SLA: variants seen among roughly 807,000 people sequenced by gnomAD.
SLA encodes the protein src-like-adapter.
In SLA, 16 loss-of-function variants were observed where a neutral mutation model predicts 30.3. The observed-to-expected ratio is 0.53, with a 90% confidence interval of 0.36 to 0.80. The LOEUF (loss-of-function observed/expected upper bound fraction) is 0.80, where lower values mean the gene tolerates loss of function less well. Among genes scored for constraint, SLA ranks in the 30% least tolerant of loss-of-function variants. SLA has a pLI of 0.01. For synonymous variants in SLA, 143 were observed against 137.8 expected, an observed-to-expected ratio of 1.04 and a Z score of -0.26; for missense variants, 310 against 345.2, an observed-to-expected ratio of 0.90 and a Z score of 0.81.
In SLA at chr8:133,039,953, G is replaced by GCACGCACACACA. The variant is rs1554706051; in HGVS notation, c.617+44_617+45insTGTGTGTGCGTG. On this transcript the variant is annotated intron_variant, in intron 8 of 8. Transcript: ENST00000338087. ...TCACATGTTCACAGAGCACTTGCAT[G>GCACGCACACACA]CACACACACACACACACACACACAC... The GCACGCACACACA allele has an allele frequency of 8.4e-6, 12 of 1,434,334 alleles. No individual in the cohort carries two copies. The African/African-American group carries it at 1.5e-4, about 18-fold the overall frequency. 88.9% of individuals were successfully genotyped at this position (1,434,334 alleles called of 1,614,324 possible).
At chr8:133,049,400 T>C (rs2131205660) in intron 5 of SLA, 2 of 298,328 alleles carry the variant, frequency 6.7e-6, no homozygotes, top group Admixed American at 8.5e-5. Context: ...TACACATGTA[T>C]CATTACATCT....
In SLA at chr8:133,062,606, T is replaced by G. The variant is rs3758109; in HGVS notation, c.-40-2406A>C. ...CAGGCCTCCCTGGCCCTGAGGGGAT[T>G]GTAGCCACAGGCGCTGTCCTGCACA... On this transcript the variant is annotated intron_variant, in intron 2 of 8. Transcript: ENST00000338087. Among the ~76,000 whole-genome samples the G allele has an allele frequency of 3.9e-5, 6 of 152,338 alleles. No individual in the cohort carries two copies. In the East Asian group the frequency reaches 1.2e-3, roughly 29 times the overall value.
In SLA at chr8:133,054,007, T is replaced by C. The variant is rs148526578; in HGVS notation, c.62-3092A>G. On this transcript the variant is annotated intron_variant, in intron 3 of 8. Coordinates refer to ENST00000338087, the MANE Select transcript of SLA (RefSeq NM_001045556.3). ...AAAGTCACTGGGAAGGTATTACAGT[T>C]TGGCTTGTACTTCTGTGGGGCAGGG... is the stretch of plus-strand genomic sequence containing the variant. Among the ~76,000 whole-genome samples the C allele has an allele frequency of 2.4e-3, 369 of 152,322 alleles. 2 individuals carry two copies. Among genetic ancestry groups the C allele is most frequent in the Middle Eastern group, 6.8e-3 (2 of 294 alleles).
Position 133,096,070 on chromosome 8 carries a change from T to G in SLA, c.-319+6483A>C, listed in dbSNP as rs182347945. 5.2e-4 allele frequency: 554 copies of G among 1,055,484 alleles called. 4 individuals are homozygous for G. The highest frequency in any genetic ancestry group is 1.2e-3 in the South Asian group (92 of 75,520). The allele number at this position is 1,055,484 out of a possible 1,614,324, so 65.4% of individuals were successfully genotyped here. On this transcript the variant is annotated intron_variant, in intron 1 of 8. Coordinates refer to ENST00000338087, the MANE Select transcript of SLA (RefSeq NM_001045556.3). ...TGTCACATGGTGTCCTGCCTGCCAGTTGTCCTGGTCACTTTTTCTCAGTAG... is the reference window on the plus strand; with the variant it reads ...TGTCACATGGTGTCCTGCCTGCCAGGTGTCCTGGTCACTTTTTCTCAGTAG...
intron 5 of SLA, chr8:133,049,102 G>A (rs1839966637): frequency 2.2e-6 from 1 of 454,468 alleles, no homozygotes; most frequent in Middle Eastern, 3.3e-4. Context: ...CCCTCACATG[G>A]AAGGAAGGAA....
At chr8:133,062,444 C>A (rs908831076) in intron 2 of SLA, among the ~76,000 whole-genome samples, 1 of 152,262 alleles carries the variant, frequency 6.6e-6, no homozygotes, top group Non-Finnish European at 1.5e-5. Flanking sequence ...ACATTCCCCG[C>A]AGTTCAGCAG....
chr8:133,067,656 A>G (rs908276102), intron 2 of SLA, among the ~76,000 whole-genome samples: 13 of 152,022 alleles, frequency 8.6e-5, no homozygotes, highest in African/African-American at 3.1e-4. Flanking sequence ...GCTTCCTGTA[A>G]TCCCAGTTAC....
intron 6 of SLA, chr8:133,047,043 GT>G (rs1839555018): frequency 6.6e-6 from 1 of 152,206 alleles, no homozygotes; most frequent in African/African-American, 2.4e-5. Flanking sequence ...AACCCTAGCT[GT>G]TAAGTATTTG....
chr8:133,058,386 C>T lies in SLA; in HGVS notation c.61+1714G>A, dbSNP rs372714605. On this transcript the variant is annotated intron_variant, in intron 3 of 8. Coordinates refer to ENST00000338087, the MANE Select transcript of SLA (RefSeq NM_001045556.3). The stretch of plus-strand genomic sequence containing the variant: ...TCTATGTCTGTTCTAGAGGTGACCT[C>T]CCACCCACATAATGGAACAAAATCA... 9.2e-5 allele frequency among the ~76,000 whole-genome samples: 14 copies of T among 152,292 alleles called. No individual in the cohort carries two copies. The East Asian group carries it at 2.7e-3, about 29-fold the overall frequency.
At chr8:133,088,424 C>T (rs1846965378) in intron 1 of SLA, among the ~76,000 whole-genome samples, 1 of 152,162 alleles carries the variant, frequency 6.6e-6, no homozygotes, top group African/African-American at 2.4e-5. Flanking sequence ...ACAATGAAAC[C>T]TTTATAATTC....
intron 3 of SLA, among the ~76,000 whole-genome samples, chr8:133,055,359 ACG>A (rs150703045): frequency 0.073 from 6,355 of 86,584 alleles, 190 homozygotes; most frequent in East Asian, 0.15. Flanking sequence ...ACACACACGC[ACG>A]CGCGCACACA....
At chr8:133,087,336 T>C (rs1197021755) in intron 1 of SLA, among the ~76,000 whole-genome samples, 1 of 152,220 alleles carries the variant, frequency 6.6e-6, no homozygotes, top group Admixed American at 6.5e-5. Context: ...GACAGCCTTT[T>C]TCTAGAGTAT....
intron 1 of SLA, among the ~76,000 whole-genome samples, chr8:133,089,054 C>T (rs1847071312): frequency 6.6e-6 from 1 of 152,220 alleles, no homozygotes; most frequent in Non-Finnish European, 1.5e-5. Context: ...TGGCACCTTC[C>T]AGGTGTGGGT....
chr8:133,080,404 C>A (rs1453105541), intron 1 of SLA, among the ~76,000 whole-genome samples: 1 of 152,134 alleles, frequency 6.6e-6, no homozygotes, highest in African/African-American at 2.4e-5. Context: ...ACCACTAGGC[C>A]TAGGCTCATG....
intron 1 of SLA, chr8:133,095,352 T>C: frequency 8.6e-7 from 1 of 1,160,078 alleles, no homozygotes; most frequent in Non-Finnish European, 1.3e-6. Context: ...TCACATTCCC[T>C]AGCCCCTAGA....
chr8:133,071,922 C>T (rs17701982), intron 2 of SLA, among the ~76,000 whole-genome samples: 41,988 of 152,014 alleles, frequency 0.28, 5,866 homozygotes, highest in South Asian at 0.31. Context: ...GTGTCTGGCA[C>T]ATAATGCAAG....
Position 133,037,548 on chromosome 8 carries a change from T to C in SLA, c.*976A>G, listed in dbSNP as rs1669200620. On this transcript the variant is annotated 3_prime_UTR_variant, in exon 9 of 9. Transcript: ENST00000338087. ...CTGTCTCTAATTCCATCCTAAGCCA[T>C]GAGCTGATTTCTCTTTTTACACATT... 1 of 152,198 alleles carries C rather than the reference T, an allele frequency of 6.6e-6. No homozygotes were observed. The highest frequency in any genetic ancestry group is 1.5e-5 in the Non-Finnish European group (1 of 68,050). 9.4% of individuals were successfully genotyped at this position (152,198 alleles called of 1,614,324 possible).
chr8:133,050,096 C>A, intron 4 of SLA, 108 bp from the exon 5 acceptor site: 1 of 793,132 alleles, frequency 1.3e-6, no homozygotes, highest in Non-Finnish European at 2.2e-6. Context: ...GAACATTCCT[C>A]TTTTAAGATC....
intron 6 of SLA, among the ~76,000 whole-genome samples, chr8:133,045,929 T>A (rs1401559703): frequency 1.3e-5 from 2 of 152,160 alleles, no homozygotes; most frequent in African/African-American, 4.8e-5. Flanking sequence ...TGCCCCCTTT[T>A]CCTTTGTCTA....
Sources: allele counts gnomAD v4.1 joint callset (sites outside exome capture counted in the v4.1 genomes callset), GRCh38; gene constraint gnomAD v4.1.1; transcripts MANE v1.5; gene names NCBI Gene and HGNC (gene_info 2026-07-23, HGNC 2026-07-21).